Variants in GRID2 observed in about 807,000 individuals in gnomAD.
GRID2 encodes the protein glutamate ionotropic receptor delta type subunit 2, also known as glutamate receptor ionotropic, delta-2.
GRID2 carries 33 observed loss-of-function variants against 114.8 expected under a neutral mutation model. The ratio of observed to expected loss-of-function variants is 0.29; its 90% CI spans 0.22 to 0.38. The LOEUF is 0.38. Ranked by LOEUF, GRID2 falls within the 10% of genes least tolerant of loss-of-function variation. GRID2 has a pLI of 1.00. For missense variants in GRID2, 1,184 were observed against 1,257.7 expected, an observed-to-expected ratio of 0.94 and a Z score of 0.89; for synonymous variants, 505 against 449.9, an observed-to-expected ratio of 1.12 and a Z score of -1.55.
rs1337818509 is a variant in GRID2 at position 92,418,798 on chromosome 4, G to C, written c.88+114054G>C. 2.0e-5 allele frequency among the ~76,000 whole-genome samples: 3 copies of C among 152,170 alleles called. No individual in the cohort carries two copies. The East Asian group carries it at 5.8e-4, about 29-fold the overall frequency. On this transcript the variant is annotated intron_variant, in intron 1 of 15. Transcript: ENST00000282020. ...ATAAATGACATGTTTAGTAGGTCCT[G>C]TTAGTAAGAAATCTCCATTTCTCTG...
At chr4:93,504,764 A>G (rs926400492) in intron 12 of GRID2, among the ~76,000 whole-genome samples, 1 of 152,050 alleles carries the variant, frequency 6.6e-6, no homozygotes, top group African/African-American at 2.4e-5. Context: ...CCTACTTAGA[A>G]GGTTCACAAA....
At chr4:93,756,714 A>C (rs753010385) in intron 14 of GRID2, among the ~76,000 whole-genome samples, 2 of 152,164 alleles carry the variant, frequency 1.3e-5, no homozygotes, top group Non-Finnish European at 2.9e-5. Context: ...CATCATATAA[A>C]CTTTGGAGGG....
intron 2 of GRID2, among the ~76,000 whole-genome samples, chr4:92,834,499 C>G (rs11933557): frequency 0.42 from 64,173 of 151,834 alleles, 13,749 homozygotes; most frequent in Middle Eastern, 0.53. Flanking sequence ...ATGAGGGATT[C>G]TGAATTTTTG....
In GRID2 at chr4:93,392,190, G is replaced by C. The variant is rs6835836; in HGVS notation, c.1246-3417G>C. On this transcript the variant is annotated intron_variant, in intron 8 of 15. Coordinates refer to ENST00000282020, the MANE Select transcript of GRID2 (RefSeq NM_001510.4). ...TAGGAAGCACTCAGCTGAATAGACAGTATGAGATTTTGTGTGTGTGTTCTC... is the reference window on the plus strand; with the variant it reads ...TAGGAAGCACTCAGCTGAATAGACACTATGAGATTTTGTGTGTGTGTTCTC... Among the ~76,000 whole-genome samples the C allele has an allele frequency of 7.6e-3, 1,154 of 152,182 alleles. 15 individuals are homozygous for C. The highest frequency in any genetic ancestry group is 0.026 in the African/African-American group (1,084 of 41,534).
chr4:93,663,387 C>T (rs1206752769), intron 14 of GRID2, among the ~76,000 whole-genome samples: 1 of 152,150 alleles, frequency 6.6e-6, no homozygotes, highest in Non-Finnish European at 1.5e-5. Flanking sequence ...ATTTTGGCTG[C>T]CCAGGCTCAA....
At chr4:93,129,286 T>G (rs1334940194) in intron 4 of GRID2, among the ~76,000 whole-genome samples, 1 of 152,194 alleles carries the variant, frequency 6.6e-6, no homozygotes, top group East Asian at 1.9e-4. Flanking sequence ...AAAATAATAA[T>G]AAGAATAGGG....
chr4:92,759,250 G>C (rs1468224110), intron 2 of GRID2, among the ~76,000 whole-genome samples: 1 of 151,948 alleles, frequency 6.6e-6, no homozygotes, highest in Non-Finnish European at 1.5e-5. Context: ...ATAAAGTCTG[G>C]GTTTTTAAAT....
chr4:92,338,590 A>T (rs967519372), intron 1 of GRID2, among the ~76,000 whole-genome samples: 2 of 152,112 alleles, frequency 1.3e-5, no homozygotes, highest in Admixed American at 6.5e-5. Context: ...TTTTATGTGT[A>T]TTAAATTCAT....
At chr4:92,992,956 T>C (rs1274034970) in intron 2 of GRID2, among the ~76,000 whole-genome samples, 2 of 152,092 alleles carry the variant, frequency 1.3e-5, no homozygotes, top group African/African-American at 4.8e-5. Flanking sequence ...AATAAAACTC[T>C]TGTCACTTTC....
chr4:93,446,135 G>T (rs1722070653), intron 10 of GRID2, among the ~76,000 whole-genome samples: 2 of 152,006 alleles, frequency 1.3e-5, no homozygotes, highest in Admixed American at 1.3e-4. Flanking sequence ...AGTTGCTGTT[G>T]TGACTCAGTA....
At chr4:92,719,306 G>A (rs1434786) in intron 2 of GRID2, among the ~76,000 whole-genome samples, 11,589 of 152,048 alleles carry the variant, frequency 0.076, 541 homozygotes, top group Middle Eastern at 0.2. Flanking sequence ...GTTCTTAACA[G>A]GACTACTTAT....
chr4:93,063,957 C>T (rs1728032855), intron 2 of GRID2, among the ~76,000 whole-genome samples: 1 of 150,900 alleles, frequency 6.6e-6, no homozygotes, highest in Admixed American at 6.6e-5. Context: ...TTCTCAATGT[C>T]CCACAATATC....
chr4:93,725,356 G>C (rs759765778), intron 14 of GRID2, among the ~76,000 whole-genome samples: 65 of 152,250 alleles, frequency 4.3e-4, no homozygotes, highest in Admixed American at 1.0e-3. Flanking sequence ...GTGTATATGT[G>C]CCACATTTTC....
intron 2 of GRID2, among the ~76,000 whole-genome samples, chr4:92,976,544 A>G (rs1753886848): frequency 6.6e-6 from 1 of 152,000 alleles, no homozygotes; most frequent in Non-Finnish European, 1.5e-5. Flanking sequence ...TAATTCTGGG[A>G]TATTTTGCCC....
chr4:92,924,411 A>G (rs1353928846), intron 2 of GRID2, among the ~76,000 whole-genome samples: 1 of 152,012 alleles, frequency 6.6e-6, no homozygotes, highest in Non-Finnish European at 1.5e-5. Flanking sequence ...AAAAAAAAAA[A>G]AGAAATTATT....
At chr4:93,748,440 G>A (rs1038047555) in intron 14 of GRID2, among the ~76,000 whole-genome samples, 6 of 152,098 alleles carry the variant, frequency 3.9e-5, no homozygotes, top group Non-Finnish European at 1.5e-5. Context: ...TGAAATAATA[G>A]AATTTTGGAA....
intron 8 of GRID2, among the ~76,000 whole-genome samples, chr4:93,256,277 T>C (rs541056832): frequency 6.5e-4 from 99 of 152,238 alleles, no homozygotes; most frequent in African/African-American, 2.4e-3. Context: ...TTTTATCTTA[T>C]TGTTGCTAAC....
chr4:92,438,866 A>G (rs1393941403), intron 1 of GRID2, among the ~76,000 whole-genome samples: 1 of 152,216 alleles, frequency 6.6e-6, no homozygotes, highest in Non-Finnish European at 1.5e-5. Flanking sequence ...ATGAAACAAT[A>G]TCAACATTTG....
At chr4:92,467,992 C>T (rs975924337) in intron 1 of GRID2, among the ~76,000 whole-genome samples, 1 of 151,724 alleles carries the variant, frequency 6.6e-6, no homozygotes, top group Non-Finnish European at 1.5e-5. Flanking sequence ...AACTTGGGCC[C>T]AAGGAAAGCT....
Sources: gnomAD v4.1 joint callset for allele counts (sites outside exome capture counted in the v4.1 genomes callset) on GRCh38, gnomAD v4.1.1 for gene constraint, MANE v1.5 for transcripts, NCBI Gene and HGNC (gene_info 2026-07-23, HGNC 2026-07-21) for gene names.